TSHZ2: variants seen among roughly 807,000 people sequenced by gnomAD.
The protein encoded by TSHZ2 is teashirt zinc finger homeobox 2, also known as teashirt homolog 2.
Under a neutral mutation model 74.4 loss-of-function variants are expected in TSHZ2, and 21 were observed. The observed-to-expected ratio is 0.28, with a 90% confidence interval of 0.20 to 0.41. TSHZ2 has a LOEUF of 0.41. Ranked by LOEUF, TSHZ2 falls within the 10% of genes least tolerant of loss-of-function variation. The probability of loss-of-function intolerance (pLI) is 1.00; values close to 1 mark genes in which losing one functional copy is unlikely to be tolerated. For missense variants in TSHZ2, 1,244 were observed against 1,293.5 expected, an observed-to-expected ratio of 0.96 and a Z score of 0.59; for synonymous variants, 540 against 515.3, an observed-to-expected ratio of 1.05 and a Z score of -0.65.
chr20:53,423,793 T>C (rs952324095), intron 2 of TSHZ2, among the ~76,000 whole-genome samples: 1 of 152,238 alleles, frequency 6.6e-6, no homozygotes, highest in Admixed American at 6.5e-5. Context: ...TGGTCCAAAA[T>C]GACCACACTG....
chr20:53,260,419 A>C (rs1351736941), intron 2 of TSHZ2, among the ~76,000 whole-genome samples: 1 of 152,180 alleles, frequency 6.6e-6, no homozygotes, highest in Non-Finnish European at 1.5e-5. Context: ...GTTCCACAGC[A>C]AGCACTGTGC....
intron 1 of TSHZ2, among the ~76,000 whole-genome samples, chr20:53,138,417 C>CA (rs1350195173): frequency 6.6e-6 from 1 of 151,478 alleles, no homozygotes; most frequent in Non-Finnish European, 1.5e-5. Context: ...CAATACTTCA[C>CA]ATATAGGTTC....
intron 2 of TSHZ2, among the ~76,000 whole-genome samples, chr20:53,315,339 C>T (rs1978960407): frequency 6.6e-6 from 1 of 152,200 alleles, no homozygotes. Context: ...TAATTGGATC[C>T]TTCTCTTGAA....
intron 1 of TSHZ2, among the ~76,000 whole-genome samples, chr20:53,028,268 A>G (rs1269695221): frequency 1.3e-5 from 2 of 152,180 alleles, no homozygotes; most frequent in Non-Finnish European, 2.9e-5. Context: ...CTTCACCTGG[A>G]TGGATTTTCC....
intron 1 of TSHZ2, among the ~76,000 whole-genome samples, chr20:53,083,331 A>T (rs1985592752): frequency 1.3e-5 from 2 of 152,220 alleles, no homozygotes; most frequent in Admixed American, 6.5e-5. Context: ...TTAGGGAGGT[A>T]AATAAGACAT....
intron 2 of TSHZ2, among the ~76,000 whole-genome samples, chr20:53,435,514 A>C (rs1458868717): frequency 6.6e-6 from 1 of 152,112 alleles, no homozygotes; most frequent in African/African-American, 2.4e-5. Context: ...ACTTTTTTTA[A>C]ATTAATTTAT....
chr20:53,203,422 T>C (rs1261568368), intron 1 of TSHZ2, among the ~76,000 whole-genome samples: 3 of 152,114 alleles, frequency 2.0e-5, no homozygotes, highest in Admixed American at 6.6e-5. Context: ...CTCAAACTCC[T>C]GACCCCAAGT....
At chr20:53,274,574 G>C (rs573045452) in intron 2 of TSHZ2, among the ~76,000 whole-genome samples, 1 of 152,318 alleles carries the variant, frequency 6.6e-6, no homozygotes, top group African/African-American at 2.4e-5. Context: ...TGCCAGCAGA[G>C]AGTTCTGTTG....
intron 1 of TSHZ2, among the ~76,000 whole-genome samples, chr20:53,199,760 A>T (rs1474876628): frequency 6.6e-6 from 1 of 152,186 alleles, no homozygotes; most frequent in African/African-American, 2.4e-5. Flanking sequence ...TTGTAGAACA[A>T]CTGGGCAAAG....
chr20:53,287,412 A>G (rs1368705171), intron 2 of TSHZ2, among the ~76,000 whole-genome samples: 1 of 152,138 alleles, frequency 6.6e-6, no homozygotes, highest in Non-Finnish European at 1.5e-5. Flanking sequence ...GCATTGACTT[A>G]CTTTTCAGGA....
intron 1 of TSHZ2, among the ~76,000 whole-genome samples, chr20:53,164,481 A>G (rs1388393316): frequency 6.6e-6 from 1 of 152,174 alleles, no homozygotes; most frequent in Non-Finnish European, 1.5e-5. Flanking sequence ...GGAACTAAAT[A>G]TTAATTAACT....
At chr20:52,984,992 C>A (rs1312986131) in intron 1 of TSHZ2, among the ~76,000 whole-genome samples, 1 of 152,186 alleles carries the variant, frequency 6.6e-6, no homozygotes, top group Non-Finnish European at 1.5e-5. Context: ...GTCAGTCTAT[C>A]GTTCTCTGAG....
At chr20:53,104,366 A>G (rs1986303554) in intron 1 of TSHZ2, among the ~76,000 whole-genome samples, 1 of 152,222 alleles carries the variant, frequency 6.6e-6, no homozygotes, top group African/African-American at 2.4e-5. Flanking sequence ...GTTAGAGGCC[A>G]TTTAGGCTGC....
At chr20:53,361,057 C>T (rs543535796) in intron 2 of TSHZ2, among the ~76,000 whole-genome samples, 8 of 152,266 alleles carry the variant, frequency 5.3e-5, no homozygotes, top group East Asian at 1.9e-4. Flanking sequence ...GCTCTGTACC[C>T]GCTGCCCGCC....
chr20:53,262,270 A>C (rs1207739923), intron 2 of TSHZ2, among the ~76,000 whole-genome samples: 1 of 149,218 alleles, frequency 6.7e-6, no homozygotes, highest in Non-Finnish European at 1.5e-5. Flanking sequence ...GCTTTTTTCT[A>C]CTTTCTAGGA....
chr20:53,437,672 T>G (rs1287749622), intron 2 of TSHZ2, among the ~76,000 whole-genome samples: 2 of 152,104 alleles, frequency 1.3e-5, no homozygotes, highest in Admixed American at 6.5e-5. Flanking sequence ...CCAAATCTCA[T>G]GTTGAAATGT....
At chr20:53,181,936 TAAATG>T (rs1392200571) in intron 1 of TSHZ2, among the ~76,000 whole-genome samples, 4 of 152,148 alleles carry the variant, frequency 2.6e-5, no homozygotes, top group African/African-American at 9.7e-5. Flanking sequence ...TTAAAAAAAT[TAAATG>T]AATGAAATAG....
chr20:53,261,455 G>A (rs897133429), intron 2 of TSHZ2, among the ~76,000 whole-genome samples: 8 of 152,160 alleles, frequency 5.3e-5, no homozygotes, highest in Non-Finnish European at 1.0e-4. Context: ...TCCTCATTCT[G>A]ACCCTCAGGA....
At chr20:53,059,957 C>T (rs1402456901) in intron 1 of TSHZ2, among the ~76,000 whole-genome samples, 1 of 152,024 alleles carries the variant, frequency 6.6e-6, no homozygotes, top group East Asian at 1.9e-4. Context: ...TTTTGTCTAT[C>T]AAGGAGGCAG....
Sources: gnomAD v4.1 joint callset for allele counts (sites outside exome capture counted in the v4.1 genomes callset) on GRCh38, gnomAD v4.1.1 for gene constraint, MANE v1.5 for transcripts, NCBI Gene and HGNC (gene_info 2026-07-23, HGNC 2026-07-21) for gene names.